The following DSCAM variants were observed in gnomAD, a reference collection of about 807,000 sequenced individuals.
DSCAM encodes DS cell adhesion molecule.
Under a neutral mutation model 217.7 loss-of-function variants are expected in DSCAM, and 47 were observed. That is an observed-to-expected ratio of 0.22 (90% CI 0.17 to 0.28). The LOEUF (loss-of-function observed/expected upper bound fraction) is 0.28, where lower values mean the gene tolerates loss of function less well. Among genes scored for constraint, DSCAM ranks in the 10% least tolerant of loss-of-function variants. The pLI, the probability that DSCAM is intolerant of heterozygous loss-of-function variation, is 1.00. For synonymous variants in DSCAM, 1,056 were observed against 1,015.3 expected (o/e 1.04, Z -0.76); for missense variants, 2,080 against 2,618.3 (o/e 0.79, Z 4.49).
chr21:40,563,828 TTA>T (rs148835692), intron 3 of DSCAM, among the ~76,000 whole-genome samples: 5,654 of 148,632 alleles, frequency 0.038, 305 homozygotes, highest in African/African-American at 0.12. Flanking sequence ...AGTTATATGT[TTA>T]TATATGTTTA....
chr21:40,124,143 C>T, intron 20 of DSCAM, 52 bp downstream of exon 20: 2 of 1,610,486 alleles, frequency 1.2e-6, no homozygotes, highest in Admixed American at 1.7e-5. Context: ...CGAGCACCTG[C>T]AGCTCGTCCC....
intron 3 of DSCAM, chr21:40,383,391 G>A (rs1162674151): frequency 6.6e-6 from 1 of 152,208 alleles, no homozygotes; most frequent in Non-Finnish European, 1.5e-5. Context: ...AATTAAAATG[G>A]AGTGGAACCC....
chr21:40,263,546 G>T (rs2073482211), intron 11 of DSCAM, among the ~76,000 whole-genome samples: 1 of 152,050 alleles, frequency 6.6e-6, no homozygotes, highest in South Asian at 2.1e-4. Context: ...CAAAATCTCT[G>T]GGATACAGCA....
intron 3 of DSCAM, among the ~76,000 whole-genome samples, chr21:40,597,724 C>G (rs2077032757): frequency 6.6e-6 from 1 of 152,012 alleles, no homozygotes. Flanking sequence ...ACCAGGCAGG[C>G]TGGTCTCAAA....
At chr21:40,507,845 C>A in intron 3 of DSCAM, among the ~76,000 whole-genome samples, 1 of 152,070 alleles carries the variant, frequency 6.6e-6, no homozygotes, top group South Asian at 2.1e-4. Context: ...GTTGGAGCTG[C>A]CCTCTGGACA....
chr21:40,013,404 G>A lies in DSCAM; in HGVS notation c.5687-18C>T, dbSNP rs2088098970. ...GAGGTCACCTAGAAGGAAAGACAGG[G>A]TAGTTAGTTGGTGTCTTCATTTGGT... On this transcript the variant is annotated intron_variant, in intron 32 of 32. Coordinates refer to ENST00000400454, the MANE Select transcript of DSCAM (RefSeq NM_001389.5). 2 of 1,499,516 alleles carry A rather than the reference G, an allele frequency of 1.3e-6. No individual in the cohort carries two copies. Among genetic ancestry groups the A allele is most frequent in the Non-Finnish European group, 1.8e-6 (2 of 1,120,540 alleles). 92.9% of individuals were successfully genotyped at this position (1,499,516 alleles called of 1,614,324 possible). A position where few individuals can be genotyped will look rare whatever the true frequency, so the allele number is the denominator to read the frequency against.
Position 40,454,785 on chromosome 21 carries a change from C to T in DSCAM, c.509-85540G>A, listed in dbSNP as rs79878149. The stretch of plus-strand genomic sequence containing the variant: ...GGAAACACTACCAATGGCTTAATCA[C>T]AGACTTTGGTGATGACTTTGGTGAT... On this transcript the variant is annotated intron_variant, in intron 3 of 32. Coordinates refer to ENST00000400454, the MANE Select transcript of DSCAM (RefSeq NM_001389.5). 7.3e-3 allele frequency among the ~76,000 whole-genome samples: 1,107 copies of T among 152,156 alleles called. 13 individuals are homozygous for T. The highest frequency in any genetic ancestry group is 0.025 in the African/African-American group (1,049 of 41,428).
At chr21:40,737,589 C>T (rs574705815) in intron 1 of DSCAM, among the ~76,000 whole-genome samples, 2 of 152,234 alleles carry the variant, frequency 1.3e-5, no homozygotes, top group Admixed American at 6.5e-5. Flanking sequence ...TGCAGTGAGC[C>T]GAGATTGCAC....
intron 9 of DSCAM, among the ~76,000 whole-genome samples, chr21:40,304,339 G>A (rs2074048568): frequency 6.6e-6 from 1 of 152,224 alleles, no homozygotes; most frequent in Admixed American, 6.5e-5. Context: ...GAGAGTTAGG[G>A]CCTTGCCCTG....
At chr21:40,702,693 T>C (rs1351521781) in intron 2 of DSCAM, among the ~76,000 whole-genome samples, 1 of 152,192 alleles carries the variant, frequency 6.6e-6, no homozygotes, top group African/African-American at 2.4e-5. Flanking sequence ...GTGTTTCCTT[T>C]TTCTTATCAT....
At chr21:40,169,767 T>C (rs1424648638) in intron 15 of DSCAM, among the ~76,000 whole-genome samples, 1 of 151,768 alleles carries the variant, frequency 6.6e-6, no homozygotes, top group African/African-American at 2.4e-5. Flanking sequence ...GAGGTGGGGG[T>C]TAGGTCTCTG....
chr21:40,286,626 T>G (rs2073827182), intron 10 of DSCAM, among the ~76,000 whole-genome samples: 1 of 150,444 alleles, frequency 6.6e-6, no homozygotes. Context: ...AATTTGCTTC[T>G]TTCCAGACTT....
At chr21:40,123,562 TTA>T (rs796945156) in intron 20 of DSCAM, among the ~76,000 whole-genome samples, 61 of 152,328 alleles carry the variant, frequency 4.0e-4, no homozygotes, top group African/African-American at 1.4e-3. Flanking sequence ...TTTATAATGA[TTA>T]TTCAGCAGGA....
At chr21:40,330,189 C>T (rs867142411) in intron 8 of DSCAM, among the ~76,000 whole-genome samples, 3 of 149,168 alleles carry the variant, frequency 2.0e-5, no homozygotes, top group Admixed American at 6.7e-5. Flanking sequence ...TGTAAAAAAT[C>T]ATGTATATAC....
chr21:40,256,434 GAGAGACACACACAGAC>G (rs2073372797), intron 11 of DSCAM, among the ~76,000 whole-genome samples: 2 of 150,516 alleles, frequency 1.3e-5, no homozygotes, highest in South Asian at 2.1e-4. Flanking sequence ...CAGAGAGAGA[GAGAGACACACACAGAC>G]AGACACACAC....
At chr21:40,310,227 A>C (rs1480660863) in intron 9 of DSCAM, among the ~76,000 whole-genome samples, 1 of 152,224 alleles carries the variant, frequency 6.6e-6, no homozygotes, top group African/African-American at 2.4e-5. Flanking sequence ...AATTCCCCAG[A>C]GATCTGGAAG....
At position 40,088,216 on chromosome 21, in the gene DSCAM, C is replaced by T. The variant is rs991699465; in HGVS notation, c.3851-929G>A. On this transcript the variant is annotated intron_variant, in intron 21 of 32. Coordinates refer to ENST00000400454, the MANE Select transcript of DSCAM (RefSeq NM_001389.5). The stretch of plus-strand genomic sequence containing the variant: ...AGGTGCCCCTACAGGAGCTCACCCT[C>T]GATGGATGCACAGACCGGAAACCAT... Among the ~76,000 whole-genome samples, 7 of 152,096 alleles carry T rather than the reference C, an allele frequency of 4.6e-5. No individual in the cohort carries two copies. In the East Asian group the frequency reaches 5.8e-4, roughly 13 times the overall value.
intron 1 of DSCAM, among the ~76,000 whole-genome samples, chr21:40,828,470 T>C (rs916143669): frequency 1.3e-5 from 2 of 152,112 alleles, no homozygotes; most frequent in Non-Finnish European, 2.9e-5. Context: ...AGGGCTTACC[T>C]GCTAGTTCTC....
At chr21:40,111,183 CA>C (rs2089894656) in intron 20 of DSCAM, among the ~76,000 whole-genome samples, 1 of 152,146 alleles carries the variant, frequency 6.6e-6, no homozygotes, top group South Asian at 2.1e-4. Flanking sequence ...GGGTTACCCA[CA>C]AAGGAAAGCC....
Sources: gnomAD v4.1 joint callset for allele counts (sites outside exome capture counted in the v4.1 genomes callset) on GRCh38, gnomAD v4.1.1 for gene constraint, MANE v1.5 for transcripts, NCBI Gene and HGNC (gene_info 2026-07-23, HGNC 2026-07-21) for gene names.